Variants in TBC1D5 observed in about 807,000 individuals in gnomAD.
TBC1D5 encodes the protein TBC1 domain family, member 5.
TBC1D5 carries 75 observed loss-of-function variants against 100.3 expected under a neutral mutation model. The ratio of observed to expected loss-of-function variants is 0.75; its 90% confidence interval spans 0.62 to 0.91. The LOEUF (loss-of-function observed/expected upper bound fraction) is 0.91. Ranked by LOEUF, TBC1D5 falls within the 40% of genes least tolerant of loss-of-function variation. The pLI, the probability that TBC1D5 is intolerant of heterozygous loss-of-function variation, is 0.00. For missense variants in TBC1D5, 910 were observed against 942.4 expected, an observed-to-expected ratio of 0.97 and a Z score of 0.45; for synonymous variants, 323 against 325.6, an observed-to-expected ratio of 0.99 and a Z score of 0.09.
chr3:17,227,828 T>C (rs1367518848), intron 17 of TBC1D5, among the ~76,000 whole-genome samples: 3 of 151,110 alleles, frequency 2.0e-5, no homozygotes, highest in Non-Finnish European at 4.4e-5. Flanking sequence ...AGCCTGCACA[T>C]GTACCACTGA....
intron 14 of TBC1D5, among the ~76,000 whole-genome samples, chr3:17,294,029 G>C (rs2082009401): frequency 6.6e-6 from 1 of 152,188 alleles, no homozygotes; most frequent in Non-Finnish European, 1.5e-5. Context: ...TGCAGAGTCT[G>C]TACTCTATTA....
intron 2 of TBC1D5, chr3:17,561,885 A>G (rs923204210): frequency 6.6e-6 from 1 of 152,092 alleles, no homozygotes; most frequent in Admixed American, 6.5e-5. Flanking sequence ...AAGGGCAGTT[A>G]AAGATTAGAA....
chr3:17,486,975 C>A (rs911817997), intron 3 of TBC1D5, among the ~76,000 whole-genome samples: 2 of 152,134 alleles, frequency 1.3e-5, no homozygotes, highest in African/African-American at 4.8e-5. Context: ...AACGGCATAT[C>A]CTAGTACTCT....
At chr3:17,551,068 A>G (rs1185805166) in intron 2 of TBC1D5, among the ~76,000 whole-genome samples, 4 of 151,988 alleles carry the variant, frequency 2.6e-5, no homozygotes, top group East Asian at 1.9e-4. Flanking sequence ...GTGTGTGTGT[A>G]TGTGTGTGTA....
At chr3:17,263,366 CAAAAAAAAAAAA>C (rs71049192) in intron 15 of TBC1D5, among the ~76,000 whole-genome samples, 1 of 80,994 alleles carries the variant, frequency 1.2e-5, no homozygotes, top group Non-Finnish European at 2.4e-5. Context: ...ACCCTGTCTC[CAAAAAAAAAAAA>C]AAAAAAAAGA....
chr3:17,482,703 A>T (rs1405490569), intron 3 of TBC1D5, among the ~76,000 whole-genome samples: 1 of 152,244 alleles, frequency 6.6e-6, no homozygotes, highest in African/African-American at 2.4e-5. Flanking sequence ...TGGAGCAAAT[A>T]TAGAGAAAGA....
chr3:17,457,913 C>T (rs2095124410), intron 3 of TBC1D5, among the ~76,000 whole-genome samples: 1 of 152,186 alleles, frequency 6.6e-6, no homozygotes, highest in East Asian at 1.9e-4. Flanking sequence ...ACGCTACACT[C>T]AGTGCTCTAC....
intron 1 of TBC1D5, among the ~76,000 whole-genome samples, chr3:17,712,216 C>G (rs1205256282): frequency 6.6e-6 from 1 of 152,030 alleles, no homozygotes; most frequent in Non-Finnish European, 1.5e-5. Context: ...GTACCAATAA[C>G]AGAAACCCAC....
At chr3:17,342,720 T>G (rs1261264032) in intron 13 of TBC1D5, among the ~76,000 whole-genome samples, 1 of 152,198 alleles carries the variant, frequency 6.6e-6, no homozygotes, top group African/African-American at 2.4e-5. Flanking sequence ...TTTTGGATTA[T>G]GCTTTTCCAA....
At chr3:17,709,976 A>G (rs2074559139) in intron 1 of TBC1D5, among the ~76,000 whole-genome samples, 1 of 152,150 alleles carries the variant, frequency 6.6e-6, no homozygotes, top group African/African-American at 2.4e-5. Flanking sequence ...GGAAGGAGCA[A>G]TGAGCATGGG....
intron 4 of TBC1D5, among the ~76,000 whole-genome samples, chr3:17,421,472 G>A (rs1424818538): frequency 6.6e-6 from 1 of 152,018 alleles, no homozygotes; most frequent in Non-Finnish European, 1.5e-5. Context: ...AGATACATCT[G>A]ATTCTTTACT....
intron 14 of TBC1D5, among the ~76,000 whole-genome samples, chr3:17,292,917 A>G (rs2081909374): frequency 6.6e-6 from 1 of 152,218 alleles, no homozygotes; most frequent in Non-Finnish European, 1.5e-5. Context: ...ACACAAATCA[A>G]AAACCAAACA....
intron 1 of TBC1D5, among the ~76,000 whole-genome samples, chr3:17,707,093 TG>T (rs1403283130): frequency 6.6e-6 from 1 of 152,044 alleles, no homozygotes; most frequent in Non-Finnish European, 1.5e-5. Flanking sequence ...CAATTATAAA[TG>T]TAATTTTCAC....
At chr3:17,719,217 G>A (rs1365686644) in intron 1 of TBC1D5, among the ~76,000 whole-genome samples, 2 of 152,050 alleles carry the variant, frequency 1.3e-5, no homozygotes, top group Non-Finnish European at 2.9e-5. Flanking sequence ...AATAACACTG[G>A]TCACCATACA....
intron 4 of TBC1D5, among the ~76,000 whole-genome samples, chr3:17,422,412 A>G (rs1369392161): frequency 6.6e-6 from 1 of 151,458 alleles, no homozygotes; most frequent in South Asian, 2.1e-4. Flanking sequence ...GTCTTGAACA[A>G]CTGACTTCAA....
intron 17 of TBC1D5, among the ~76,000 whole-genome samples, chr3:17,225,682 T>C (rs1434189241): frequency 1.3e-5 from 2 of 151,578 alleles, no homozygotes; most frequent in Non-Finnish European, 2.9e-5. Context: ...ATTTCTACAA[T>C]AAAAATGAAA....
intron 3 of TBC1D5, among the ~76,000 whole-genome samples, chr3:17,432,611 C>G (rs1428536305): frequency 6.6e-6 from 1 of 152,164 alleles, no homozygotes; most frequent in African/African-American, 2.4e-5. Context: ...AATGTACTTA[C>G]ATTCCAGTGA....
intron 1 of TBC1D5, among the ~76,000 whole-genome samples, chr3:17,685,483 G>C (rs2070141372): frequency 6.6e-6 from 1 of 151,674 alleles, no homozygotes; most frequent in African/African-American, 2.4e-5. Context: ...TAAATAATAA[G>C]TCACCCAAAC....
chr3:17,576,998 A>G (rs553028146), intron 2 of TBC1D5, among the ~76,000 whole-genome samples: 3 of 152,028 alleles, frequency 2.0e-5, no homozygotes, highest in Non-Finnish European at 2.9e-5. Flanking sequence ...TTTCATTTGA[A>G]ATTTACACAT....
Sources: gnomAD v4.1 joint callset for allele counts (sites outside exome capture counted in the v4.1 genomes callset) on GRCh38, gnomAD v4.1.1 for gene constraint, MANE v1.5 for transcripts, NCBI Gene and HGNC (gene_info 2026-07-23, HGNC 2026-07-21) for gene names.